CASD1: variants seen among roughly 807,000 people sequenced by gnomAD.
CASD1 encodes the protein N-acetylneuraminate (7)9-O-acetyltransferase.
Under a neutral mutation model 100.0 loss-of-function variants are expected in CASD1, and 41 were observed. The observed-to-expected ratio is 0.41, with a 90% CI of 0.32 to 0.53. CASD1 has a LOEUF of 0.53. Ranked by LOEUF, CASD1 falls within the 20% of genes least tolerant of loss-of-function variation. The probability of loss-of-function intolerance (pLI) is 0.25; values close to 1 mark genes in which losing one functional copy is unlikely to be tolerated. For synonymous variants in CASD1, 321 were observed against 315.6 expected, an observed-to-expected ratio of 1.02 and a Z score of -0.18; for missense variants, 774 against 948.7, an observed-to-expected ratio of 0.82 and a Z score of 2.42.
At chr7:94,525,362 G>A (rs965628685) in intron 3 of CASD1, among the ~76,000 whole-genome samples, 1 of 152,114 alleles carries the variant, frequency 6.6e-6, no homozygotes, top group Non-Finnish European at 1.5e-5. Flanking sequence ...CAATTTAGGA[G>A]AGTGGTTTAC....
intron 5 of CASD1, among the ~76,000 whole-genome samples, chr7:94,528,897 T>C (rs1209233164): frequency 6.6e-6 from 1 of 152,118 alleles, no homozygotes; most frequent in African/African-American, 2.4e-5. Context: ...AATATTTAAT[T>C]TTATTGACCT....
the CASD1 span, chr7:94,587,824 G>A: frequency 3.9e-6 from 6 of 1,540,700 alleles, no homozygotes; most frequent in Non-Finnish European, 5.3e-6. Context: ...TTAAATTCAC[G>A]AAAGCAGTAA....
chr7:94,536,701 GA>G (rs35505333), intron 8 of CASD1, among the ~76,000 whole-genome samples: 46,041 of 151,950 alleles, frequency 0.3, 8,264 homozygotes, highest in South Asian at 0.47. Context: ...TGATTATTTT[GA>G]ATGTTTAGGC....
the CASD1 span, among the ~76,000 whole-genome samples, chr7:94,614,639 G>C: frequency 6.6e-6 from 1 of 152,078 alleles, no homozygotes; most frequent in South Asian, 2.1e-4. Flanking sequence ...TTTCAACTCA[G>C]TCAGCCTTCA....
the CASD1 span, among the ~76,000 whole-genome samples, chr7:94,610,648 AT>A: frequency 2.0e-5 from 3 of 152,198 alleles, no homozygotes; most frequent in Non-Finnish European, 4.4e-5. Flanking sequence ...CAGAAAAAAA[AT>A]AAATTGAACT....
rs1795196014 is a variant in CASD1 at position 94,537,908 on chromosome 7, T to A, written c.1266+14T>A. The A allele has an allele frequency of 1.5e-6, 2 of 1,339,618 alleles. No individual in the cohort carries two copies. Among genetic ancestry groups the A allele is most frequent in the East Asian group, 4.6e-5 (2 of 43,428 alleles). 83.0% of individuals were successfully genotyped at this position (1,339,618 alleles called of 1,614,324 possible). On this transcript the variant is annotated intron_variant, in intron 9 of 17. Coordinates refer to ENST00000297273, the MANE Select transcript of CASD1 (RefSeq NM_022900.5). ...AATACTAAAGAGGTAAGAGTCATTT[T>A]CTTTTTAACTCATGTTACCCTTCTT...
chr7:94,535,641 G>A lies in CASD1; in HGVS notation c.843+118G>A, dbSNP rs1192422672. The stretch of plus-strand genomic sequence containing the variant: ...TTTATTGCAGTCTTAGTAACTTGTA[G>A]TTATTGTGTATAAAGATACATCTAG... On this transcript the variant is annotated intron_variant, in intron 8 of 17. Coordinates refer to ENST00000297273, the MANE Select transcript of CASD1 (RefSeq NM_022900.5). The A allele has an allele frequency of 1.3e-5, 9 of 709,932 alleles. No homozygotes were observed. The East Asian group carries it at 2.1e-4, about 17-fold the overall frequency. 44.0% of individuals were successfully genotyped at this position (709,932 alleles called of 1,614,324 possible).
intron 4 of CASD1, 32 bp from the exon 5 acceptor site, chr7:94,528,156 C>A (rs749663816): frequency 6.8e-7 from 1 of 1,475,314 alleles, no homozygotes; most frequent in South Asian, 1.2e-5. Context: ...GTTTCTTCAA[C>A]TTTTTCTTTA....
At chr7:94,581,547 A>G in the CASD1 span, among the ~76,000 whole-genome samples, 7 of 151,978 alleles carry the variant, frequency 4.6e-5, no homozygotes, top group East Asian at 1.4e-3. Context: ...GCCCTCCAAC[A>G]GGTCCCTGTG....
chr7:94,529,207 T>G (rs908096718), intron 5 of CASD1, among the ~76,000 whole-genome samples: 1 of 152,182 alleles, frequency 6.6e-6, no homozygotes, highest in Non-Finnish European at 1.5e-5. Flanking sequence ...ATATTTGAAA[T>G]TATTTAAGCA....
the CASD1 span, among the ~76,000 whole-genome samples, chr7:94,623,049 TG>T: frequency 6.6e-6 from 1 of 152,136 alleles, no homozygotes; most frequent in Non-Finnish European, 1.5e-5. Context: ...ATAAGAGAAA[TG>T]CTACTGTTAG....
At chr7:94,623,135 C>G in the CASD1 span, among the ~76,000 whole-genome samples, 2 of 152,062 alleles carry the variant, frequency 1.3e-5, no homozygotes, top group African/African-American at 2.4e-5. Context: ...TGAGTTTTCA[C>G]CATCATAACA....
chr7:94,587,019 G>T, the CASD1 span: 3 of 982,936 alleles, frequency 3.1e-6, no homozygotes, highest in Non-Finnish European at 3.6e-6. Flanking sequence ...GAAGGTAATA[G>T]GCTCTAGTGT....
chr7:94,548,463 T>C (rs1225884554), intron 13 of CASD1, among the ~76,000 whole-genome samples: 1 of 151,746 alleles, frequency 6.6e-6, no homozygotes, highest in Non-Finnish European at 1.5e-5. Flanking sequence ...TACACACATA[T>C]ATATGATCTA....
the CASD1 span, chr7:94,588,218 A>G: frequency 1.9e-6 from 2 of 1,070,114 alleles, no homozygotes; most frequent in Non-Finnish European, 1.1e-6. Context: ...TGGTCATGTT[A>G]TAACAGCTTT....
the CASD1 span, among the ~76,000 whole-genome samples, chr7:94,614,107 C>CAAAAAAAAAAAAA: frequency 3.6e-4 from 34 of 94,886 alleles, 1 homozygote; most frequent in East Asian, 6.5e-4. Context: ...AAATTGAAAT[C>CAAAAAAAAAAAAA]AAAAAAAAAA....
chr7:94,545,817 T>A (rs1464664282), intron 12 of CASD1, 116 bp downstream of exon 12: 1 of 592,794 alleles, frequency 1.7e-6, no homozygotes, highest in Non-Finnish European at 2.7e-6. Flanking sequence ...TAAATTTATA[T>A]GTAGTTTTAA....
chr7:94,552,441 T>A lies in CASD1; in HGVS notation c.2034+14T>A. 2 of 1,566,332 alleles carry A rather than the reference T, an allele frequency of 1.3e-6. No homozygotes were observed. The highest frequency in any genetic ancestry group is 1.7e-6 in the Non-Finnish European group (2 of 1,156,526). On this transcript the variant is annotated intron_variant, in intron 16 of 17. Transcript: ENST00000297273. Reference sequence around the variant, plus strand: ...TCTGTGGTACAGGTACTATCTTGATTTAGAGAAATTTCTACATCTTAATTC... The same window carrying A: ...TCTGTGGTACAGGTACTATCTTGATATAGAGAAATTTCTACATCTTAATTC...
At position 94,545,536 on chromosome 7, in the gene CASD1, T is replaced by C. The variant is rs1269237900; in HGVS notation, c.1477-9T>C. The C allele has an allele frequency of 1.2e-5, 19 of 1,594,216 alleles. No individual in the cohort carries two copies. The highest frequency in any genetic ancestry group is 1.6e-5 in the Non-Finnish European group (19 of 1,166,486). ...TAGAATGAAACCATTTTCTTCTCCT[T>C]TTCAATAGGTTTTATTTCGTCTCAA... is the stretch of plus-strand genomic sequence containing the variant. On this transcript the variant is annotated splice_polypyrimidine_tract_variant and intron_variant, in intron 11 of 17. Transcript: ENST00000297273.
Sources: allele counts gnomAD v4.1 joint callset (sites outside exome capture counted in the v4.1 genomes callset), GRCh38; gene constraint gnomAD v4.1.1; transcripts MANE v1.5; gene names NCBI Gene and HGNC (gene_info 2026-07-23, HGNC 2026-07-21).